Variants in CNNM2 observed in about 807,000 individuals in gnomAD.
The protein encoded by CNNM2 is cyclin and CBS domain divalent metal cation transport mediator 2.
Under a neutral mutation model 66.9 loss-of-function variants are expected in CNNM2, and 12 were observed. The observed-to-expected ratio is 0.18, with a 90% CI of 0.11 to 0.29. The LOEUF (loss-of-function observed/expected upper bound fraction) is 0.29, where lower values mean the gene tolerates loss of function less well. CNNM2 is among the 10% of genes least tolerant of loss of function. The pLI is 1.00. For synonymous variants in CNNM2, 557 were observed against 501.8 expected, an observed-to-expected ratio of 1.11 and a Z score of -1.47; for missense variants, 705 against 1,167.7, an observed-to-expected ratio of 0.60 and a Z score of 5.77.
At chr10:102,965,767 A>G (rs1313252938) in intron 1 of CNNM2, among the ~76,000 whole-genome samples, 3 of 152,210 alleles carry the variant, frequency 2.0e-5, no homozygotes, top group African/African-American at 7.2e-5. Context: ...CCATCTCTGA[A>G]AATAAAAGCA....
At chr10:102,994,582 G>A (rs1449318853) in intron 1 of CNNM2, among the ~76,000 whole-genome samples, 2 of 152,166 alleles carry the variant, frequency 1.3e-5, no homozygotes, top group Admixed American at 1.3e-4. Flanking sequence ...TGCCAGTTGG[G>A]GTTTTAAAAA....
intron 1 of CNNM2, among the ~76,000 whole-genome samples, chr10:102,937,933 G>GT (rs1271404009): frequency 6.6e-6 from 1 of 151,764 alleles, no homozygotes; most frequent in Non-Finnish European, 1.5e-5. Context: ...CCCCAGAAAC[G>GT]TTTAATTTAA....
chr10:102,940,209 C>T (rs1238918853), intron 1 of CNNM2, among the ~76,000 whole-genome samples: 1 of 152,106 alleles, frequency 6.6e-6, no homozygotes, highest in African/African-American at 2.4e-5. Flanking sequence ...CTGCCTTGGC[C>T]TTCCAAGGTG....
chr10:103,058,627 T>C (rs183993877), intron 4 of CNNM2, among the ~76,000 whole-genome samples: 1 of 152,382 alleles, frequency 6.6e-6, no homozygotes, highest in East Asian at 1.9e-4. Flanking sequence ...TATGTATATT[T>C]ACCTGTATTT....
rs71019653 is a variant in CNNM2 at position 103,064,388 on chromosome 10, G to GT, written c.2074-4233dup. Among the ~76,000 whole-genome samples the GT allele has an allele frequency of 0.14, 21,871 of 151,916 alleles. 1,776 individuals carry two copies. The highest frequency in any genetic ancestry group is 0.19 in the East Asian group (982 of 5,172). ...GAAATGATGGTAACAGTAGATAGCT[G>GT]TTTTTTTTGTTTTGTTTTGTTTTGA... On this transcript the variant is annotated intron_variant, in intron 4 of 7. Transcript: ENST00000369878.
rs2064752582 is a variant in CNNM2, at chr10:103,028,560, G to C, written c.1622-21147G>C. On this transcript the variant is annotated intron_variant, in intron 1 of 7. Coordinates refer to ENST00000369878, the MANE Select transcript of CNNM2 (RefSeq NM_017649.5). ...AATAAGAGTTAAAATAATAAAATCAGTACAATTAAATAGGAAATGAGTGTC... is the reference window on the plus strand; with the variant it reads ...AATAAGAGTTAAAATAATAAAATCACTACAATTAAATAGGAAATGAGTGTC... Among the ~76,000 whole-genome samples, 4 of 152,128 alleles carry C rather than the reference G, an allele frequency of 2.6e-5. No individual in the cohort carries two copies. In the South Asian group the frequency reaches 8.3e-4, roughly 32 times the overall value.
chr10:103,053,757 G>C (rs904940753), intron 2 of CNNM2, among the ~76,000 whole-genome samples: 1 of 152,182 alleles, frequency 6.6e-6, no homozygotes, highest in Non-Finnish European at 1.5e-5. Context: ...GCTTGACCTT[G>C]AGGATCTCAT....
Position 103,034,972 on chromosome 10 carries a change from C to CAAA in CNNM2, c.1622-14719_1622-14717dup, listed in dbSNP as rs71019651. 6.9e-4 allele frequency among the ~76,000 whole-genome samples: 49 copies of CAAA among 71,132 alleles called. No individual in the cohort carries two copies. In the East Asian group the frequency reaches 0.013, roughly 19 times the overall value. 46.7% of individuals were successfully genotyped at this position (71,132 alleles called of 152,430 possible). ...TGGGCGACAGAGCGAGACTCCGTCTCAAAAAAAAAAAAAAAAAATCTCCTA... is the reference window on the plus strand; with the variant it reads ...TGGGCGACAGAGCGAGACTCCGTCTCAAAAAAAAAAAAAAAAAAAAATCTCCTA... On this transcript the variant is annotated intron_variant, in intron 1 of 7. Coordinates refer to ENST00000369878, the MANE Select transcript of CNNM2 (RefSeq NM_017649.5).
intron 1 of CNNM2, among the ~76,000 whole-genome samples, chr10:102,991,560 A>G (rs2063897952): frequency 3.3e-5 from 5 of 152,112 alleles, no homozygotes; most frequent in Admixed American, 3.3e-4. Context: ...AACTATCAGA[A>G]TTTTGATTCT....
intron 1 of CNNM2, among the ~76,000 whole-genome samples, chr10:102,997,298 G>C (rs1261268816): frequency 3.3e-5 from 5 of 152,168 alleles, no homozygotes; most frequent in Non-Finnish European, 7.3e-5. Context: ...GCAGGTGACT[G>C]ATTTCTCTGG....
intron 1 of CNNM2, among the ~76,000 whole-genome samples, chr10:102,953,331 G>A (rs1203889888): frequency 6.6e-6 from 1 of 151,620 alleles, no homozygotes; most frequent in Non-Finnish European, 1.5e-5. Context: ...ACCTCGGCTT[G>A]CTGCAACCTC....
At chr10:102,929,660 A>G (rs1846000352) in intron 1 of CNNM2, among the ~76,000 whole-genome samples, 1 of 152,148 alleles carries the variant, frequency 6.6e-6, no homozygotes, top group African/African-American at 2.4e-5. Flanking sequence ...CTTTAATCAT[A>G]AACAACTGAA....
At chr10:102,944,866 A>G (rs1165033297) in intron 1 of CNNM2, among the ~76,000 whole-genome samples, 1 of 151,786 alleles carries the variant, frequency 6.6e-6, no homozygotes, top group Non-Finnish European at 1.5e-5. Context: ...TTTTTCTTTC[A>G]TGACATTGAC....
At position 103,076,096 on chromosome 10, in the gene CNNM2, G is replaced by T; in HGVS notation, c.2244G>T (p.Lys748Asn). 6.2e-7 allele frequency: 1 copy of T among 1,609,548 alleles called. No homozygotes were observed. The highest frequency in any genetic ancestry group is 1.1e-5 in the South Asian group (1 of 90,430). The change falls in exon 7 of 8, where the codon AAG becomes AAT. Residue 748 changes from lysine (K) to asparagine (N), a missense_variant. By Grantham distance (94) the Lys-to-Asn change is moderately conservative. Coordinates refer to ENST00000369878, the MANE Select transcript of CNNM2 (RefSeq NM_017649.5). ...LLAAGSPGEN[K>N]SPPRPCGLNH... is the part of the protein sequence containing the mutation. ...TCCCTCCTTTTCCAGGTGAAAATAA[G>T]TCCCCTCCTCGCCCATGTGGCTTGA...
intron 1 of CNNM2, among the ~76,000 whole-genome samples, chr10:102,989,617 A>T (rs1590356906): frequency 6.6e-6 from 1 of 152,044 alleles, no homozygotes; most frequent in Non-Finnish European, 1.5e-5. Context: ...AGCCTGGCCA[A>T]CATGGCGAAA....
At chr10:102,920,380 T>TA (rs1325308491) in intron 1 of CNNM2, among the ~76,000 whole-genome samples, 2 of 151,850 alleles carry the variant, frequency 1.3e-5, no homozygotes, top group African/African-American at 4.8e-5. Context: ...TTATTTATTT[T>TA]TTTTTTTTTG....
chr10:103,030,056 AAAG>A lies in CNNM2; in HGVS notation c.1622-19647_1622-19645del, dbSNP rs140953435. ...TGAATATTTGAGGGAGAATAAGAGT[AAAG>A]AAGCCAAGGGGAGGCCAGTGTTTAT... On this transcript the variant is annotated intron_variant, in intron 1 of 7. Transcript: ENST00000369878. Among the ~76,000 whole-genome samples, 2,165 of 152,222 alleles carry A rather than the reference AAAG, an allele frequency of 0.014. 56 individuals are homozygous for A. The highest frequency in any genetic ancestry group is 0.049 in the African/African-American group (2,042 of 41,522).
At chr10:102,981,512 C>G (rs2063719896) in intron 1 of CNNM2, among the ~76,000 whole-genome samples, 1 of 151,856 alleles carries the variant, frequency 6.6e-6, no homozygotes, top group Non-Finnish European at 1.5e-5. Flanking sequence ...ACCTCAGCCT[C>G]CCGAGTAGCT....
chr10:103,016,316 G>A (rs1458047391), intron 1 of CNNM2, among the ~76,000 whole-genome samples: 1 of 151,954 alleles, frequency 6.6e-6, no homozygotes, highest in Non-Finnish European at 1.5e-5. Context: ...AATGGGTCAT[G>A]GTGTTTCCAG....
Sources: allele counts gnomAD v4.1 joint callset (sites outside exome capture counted in the v4.1 genomes callset), GRCh38; gene constraint gnomAD v4.1.1; transcripts MANE v1.5; gene names NCBI Gene and HGNC (gene_info 2026-07-23, HGNC 2026-07-21).